CDH18: variants seen among roughly 807,000 people sequenced by gnomAD.
The protein encoded by CDH18 is cadherin-18.
Under a neutral mutation model 67.9 loss-of-function variants are expected in CDH18, and 31 were observed. The observed-to-expected ratio is 0.46, with a 90% CI of 0.34 to 0.62. The LOEUF is 0.62. Ranked by LOEUF, CDH18 falls within the 20% of genes least tolerant of loss-of-function variation. The pLI is 0.01. For missense variants in CDH18, 890 were observed against 975.5 expected (o/e 0.91, Z 1.17); for synonymous variants, 362 against 347.2 (o/e 1.04, Z -0.48).
At chr5:19,942,811 GC>G (rs1414700135) in intron 2 of CDH18, among the ~76,000 whole-genome samples, 1 of 152,138 alleles carries the variant, frequency 6.6e-6, no homozygotes, top group African/African-American at 2.4e-5. Flanking sequence ...CAGGAGCATA[GC>G]CCCTGTCAAG....
chr5:20,402,345 C>G (rs908687071), intron 1 of CDH18, among the ~76,000 whole-genome samples: 10 of 152,176 alleles, frequency 6.6e-5, no homozygotes, highest in Non-Finnish European at 1.0e-4. Context: ...TCATGCCTGA[C>G]TTTGGAAAAA....
chr5:20,307,891 C>T (rs1411669282), intron 1 of CDH18, among the ~76,000 whole-genome samples: 2 of 151,968 alleles, frequency 1.3e-5, no homozygotes, highest in African/African-American at 4.8e-5. Context: ...ACTTTTAGTC[C>T]TTCATTAACC....
At chr5:19,583,886 C>T (rs962850778) in intron 7 of CDH18, among the ~76,000 whole-genome samples, 2 of 152,020 alleles carry the variant, frequency 1.3e-5, no homozygotes, top group Non-Finnish European at 2.9e-5. Flanking sequence ...TTTGTTGACT[C>T]GAAGGACAAG....
At chr5:19,552,143 T>C (rs1335259050) in intron 8 of CDH18, among the ~76,000 whole-genome samples, 1 of 152,186 alleles carries the variant, frequency 6.6e-6, no homozygotes, top group Non-Finnish European at 1.5e-5. Context: ...AAGATATTTA[T>C]AGATTCTTAA....
chr5:20,223,178 C>T (rs1047360740), intron 2 of CDH18, among the ~76,000 whole-genome samples: 27 of 152,068 alleles, frequency 1.8e-4, no homozygotes, highest in African/African-American at 6.5e-4. Flanking sequence ...GATGGAGCTG[C>T]CCAAGGCCGT....
intron 6 of CDH18, among the ~76,000 whole-genome samples, chr5:19,594,095 G>T (rs982151262): frequency 9.9e-5 from 15 of 151,970 alleles, no homozygotes; most frequent in Non-Finnish European, 1.5e-5. Context: ...TATACAAAAA[G>T]AAGCCATTTT....
intron 1 of CDH18, among the ~76,000 whole-genome samples, chr5:20,572,076 C>T (rs1403079013): frequency 6.6e-6 from 1 of 151,936 alleles, no homozygotes; most frequent in African/African-American, 2.4e-5. Flanking sequence ...CGTAATACAC[C>T]CTCCCATGAA....
chr5:20,117,320 A>C (rs1748006616), intron 2 of CDH18, among the ~76,000 whole-genome samples: 1 of 152,128 alleles, frequency 6.6e-6, no homozygotes, highest in African/African-American at 2.4e-5. Flanking sequence ...ATTGATAAAC[A>C]AAGTATGCCA....
At chr5:20,484,680 A>C (rs1313994854) in intron 1 of CDH18, among the ~76,000 whole-genome samples, 1 of 152,088 alleles carries the variant, frequency 6.6e-6, no homozygotes, top group Non-Finnish European at 1.5e-5. Flanking sequence ...AAAAGGCACA[A>C]AAAGACAAAC....
chr5:20,239,272 C>T (rs1049711845), intron 2 of CDH18, among the ~76,000 whole-genome samples: 3 of 151,882 alleles, frequency 2.0e-5, no homozygotes, highest in African/African-American at 7.3e-5. Flanking sequence ...CTGGGCAACA[C>T]GATGAAGCCC....
At chr5:20,135,532 C>CA (rs1198423766) in intron 2 of CDH18, among the ~76,000 whole-genome samples, 1 of 151,718 alleles carries the variant, frequency 6.6e-6, no homozygotes, top group Non-Finnish European at 1.5e-5. Context: ...TGATCTTTTC[C>CA]AAAAAACCAG....
intron 2 of CDH18, among the ~76,000 whole-genome samples, chr5:20,160,264 A>G (rs6899014): frequency 0.58 from 88,116 of 152,018 alleles, 25,607 homozygotes; most frequent in Middle Eastern, 0.69. Flanking sequence ...TTTGATGGCC[A>G]CTGCCAATGA....
chr5:19,588,804 A>G (rs1744639640), intron 7 of CDH18, among the ~76,000 whole-genome samples: 2 of 152,122 alleles, frequency 1.3e-5, no homozygotes, highest in Admixed American at 6.6e-5. Flanking sequence ...AGACAAAAAA[A>G]GAGCATTACA....
chr5:20,566,526 A>ATTTTTTTTTTTTTTTTTTT (rs33950954), intron 1 of CDH18, among the ~76,000 whole-genome samples: 1 of 97,380 alleles, frequency 1.0e-5, no homozygotes, highest in Non-Finnish European at 2.0e-5. Flanking sequence ...TGCCCAGCTA[A>ATTTTTTTTTTTTTTTTTTT]TTTTTTTTTT....
chr5:19,690,879 A>G (rs1761770341), intron 5 of CDH18, among the ~76,000 whole-genome samples: 1 of 151,868 alleles, frequency 6.6e-6, no homozygotes, highest in African/African-American at 2.4e-5. Flanking sequence ...TCCTCAAATT[A>G]TTCTCAAAAA....
At chr5:19,816,800 A>G (rs1779334544) in intron 3 of CDH18, among the ~76,000 whole-genome samples, 1 of 151,812 alleles carries the variant, frequency 6.6e-6, no homozygotes, top group Non-Finnish European at 1.5e-5. Flanking sequence ...ACTGCTATTA[A>G]CTCTGAAAAC....
At chr5:19,691,958 T>C (rs907057325) in intron 5 of CDH18, among the ~76,000 whole-genome samples, 29 of 151,864 alleles carry the variant, frequency 1.9e-4, no homozygotes, top group African/African-American at 6.0e-4. Context: ...CTGGAGGCAT[T>C]ATATTACCTG....
At chr5:19,502,111 C>T (rs1050724264) in intron 11 of CDH18, among the ~76,000 whole-genome samples, 2 of 152,084 alleles carry the variant, frequency 1.3e-5, no homozygotes, top group African/African-American at 4.8e-5. Context: ...GGCAGGTTGT[C>T]ATTTAGTGAC....
intron 2 of CDH18, among the ~76,000 whole-genome samples, chr5:19,873,259 T>TCAGCTTAAAGTAC (rs1243362902): frequency 1.3e-5 from 2 of 151,540 alleles, no homozygotes; most frequent in Non-Finnish European, 2.9e-5. Flanking sequence ...AAAGCATGGT[T>TCAGCTTAAAGTAC]CAGCTTAAAG....
Sources: allele counts gnomAD v4.1 joint callset (sites outside exome capture counted in the v4.1 genomes callset), GRCh38; gene constraint gnomAD v4.1.1; transcripts MANE v1.5; gene names NCBI Gene and HGNC (gene_info 2026-07-23, HGNC 2026-07-21).